ZNF205: variants seen among roughly 807,000 people sequenced by gnomAD.
ZNF205 encodes the protein transcriptional repressor RHIT.
Under a neutral mutation model 53.6 loss-of-function variants are expected in ZNF205, and 32 were observed. The observed-to-expected ratio is 0.60, with a 90% confidence interval of 0.45 to 0.80. The LOEUF (loss-of-function observed/expected upper bound fraction) is 0.80. Among genes scored for constraint, ZNF205 ranks in the 30% least tolerant of loss-of-function variants. ZNF205 has a pLI of 0.00. For synonymous variants in ZNF205, 382 were observed against 334.3 expected (o/e 1.14, Z -1.56); for missense variants, 836 against 782.4 (o/e 1.07, Z -0.82).
At position 3,115,090 on chromosome 16, in the gene ZNF205, TA is replaced by T. The variant is rs1347866736; in HGVS notation, c.58-264del. 2.4e-4 allele frequency: 79 copies of T among 328,082 alleles called. 1 individual carries two copies. Among genetic ancestry groups the T allele is most frequent in the Non-Finnish European group, 7.8e-5 (14 of 180,602 alleles). The allele number at this position is 328,082 out of a possible 1,614,324, so 20.3% of individuals were successfully genotyped here. A position where few individuals can be genotyped will look rare whatever the true frequency, so the allele number is the denominator to read the frequency against. ...CTTCATACACTAATAGACAGCAGTC[TA>T]CACTGCTGAGGTCAGTGTGAGGCTG... On this transcript the variant is annotated intron_variant, in intron 2 of 6. Coordinates refer to ENST00000219091, the MANE Select transcript of ZNF205 (RefSeq NM_001042428.2).
At chr16:3,117,168 G>A (rs979100894) in intron 5 of ZNF205, among the ~76,000 whole-genome samples, 4 of 152,198 alleles carry the variant, frequency 2.6e-5, no homozygotes, top group African/African-American at 4.8e-5. Context: ...TGTACTGGAC[G>A]CTGCCCCAGG....
chr16:3,116,564 A>G lies in ZNF205; in HGVS notation c.484+17A>G. 1 of 1,611,464 alleles carries G rather than the reference A, an allele frequency of 6.2e-7. No individual in the cohort carries two copies. Among genetic ancestry groups the G allele is most frequent in the Non-Finnish European group, 8.5e-7 (1 of 1,178,792 alleles). On this transcript the variant is annotated intron_variant, in intron 5 of 6. Coordinates refer to ENST00000219091, the MANE Select transcript of ZNF205 (RefSeq NM_001042428.2). ...TGTCACTGGGTAAGCACTCGCCTGGAGGGGGGACTGGGGTGTTAGGGAGAG... is the reference window on the plus strand; with the variant it reads ...TGTCACTGGGTAAGCACTCGCCTGGGGGGGGGACTGGGGTGTTAGGGAGAG...
Position 3,118,993 on chromosome 16 carries a change from G to C in ZNF205, c.573G>C (p.Lys191Asn), listed in dbSNP as rs150467103. ...SGSSRQAGDE[K>N]EWRGACTGAV... ...CCAGCCGGCAGGCAGGAGATGAGAA[G>C]GAGTGGAGAGGCGCGTGCACAGGTG... Residue 191 changes from lysine to asparagine, a missense_variant, in exon 6 of 7, where the codon AAG becomes AAC. Coordinates refer to ENST00000219091, the MANE Select transcript of ZNF205 (RefSeq NM_001042428.2). 50 of 1,613,432 alleles carry C rather than the reference G, an allele frequency of 3.1e-5. No homozygotes were observed. Among genetic ancestry groups the C allele is most frequent in the Non-Finnish European group, 4.1e-5 (48 of 1,179,970 alleles).
chr16:3,117,244 C>T (rs1330255925), intron 5 of ZNF205, among the ~76,000 whole-genome samples: 1 of 152,114 alleles, frequency 6.6e-6, no homozygotes, highest in African/African-American at 2.4e-5. Flanking sequence ...TTTCCAAGCC[C>T]CAACTTCAGA....
rs1294562528 is a variant in ZNF205, at chr16:3,119,850, G to A, written c.1190G>A (p.Cys397Tyr). ...TGEKPYVCDRCAKRFTRRSDL... is the reference protein window; with the variant it reads ...TGEKPYVCDRYAKRFTRRSDL... ...GAGAAGCCCTACGTGTGCGACCGCT[G>A]CGCCAAGCGCTTCACCCGCCGCTCG... Residue 397 changes from cysteine (C) to tyrosine (Y), a missense_variant, in exon 7 of 7, where the codon TGC becomes TAC. Cys to Tyr is a radical substitution (Grantham distance 194). Transcript: ENST00000219091. The A allele has an allele frequency of 1.2e-6, 2 of 1,613,116 alleles. No individual in the cohort carries two copies. The highest frequency in any genetic ancestry group is 2.7e-5 in the African/African-American group (2 of 74,878).
intron 6 of ZNF205, 56 bp downstream of exon 6, chr16:3,119,071 CT>C: frequency 6.3e-7 from 1 of 1,587,668 alleles, no homozygotes. Context: ...CGCAGGCCTT[CT>C]GGCTGTTGTC....
At position 3,116,490 on chromosome 16, in the gene ZNF205, C is replaced by T; in HGVS notation, c.427C>T (p.His143Tyr). 1 of 1,614,118 alleles carries T rather than the reference C, an allele frequency of 6.2e-7. No homozygotes were observed. The highest frequency in any genetic ancestry group is 8.5e-7 in the Non-Finnish European group (1 of 1,180,030). The change falls in exon 5 of 7, where the codon CAC becomes TAC. Residue 143 changes from histidine to tyrosine, a missense_variant. By Grantham distance (83) the His-to-Tyr change is moderately conservative. Coordinates refer to ENST00000219091, the MANE Select transcript of ZNF205 (RefSeq NM_001042428.2). ...CCGGGAGGAGTGGGGACGGCTGGAC[C>T]ACACGCAGCAGAACTTCTACAGGGA... ...LSREEWGRLD[H>Y]TQQNFYRDVL...
rs772175370 is a variant in ZNF205 at position 3,119,761 on chromosome 16, C to T, written c.1101C>T (p.Pro367=). The T allele has an allele frequency of 1.9e-6, 3 of 1,613,754 alleles. No homozygotes were observed. Among genetic ancestry groups the T allele is most frequent in the Non-Finnish European group, 1.7e-6 (2 of 1,179,904 alleles). The change falls in exon 7 of 7, where the codon CCC becomes CCT. Residue 367 remains proline (P), a synonymous_variant. Coordinates refer to ENST00000219091, the MANE Select transcript of ZNF205 (RefSeq NM_001042428.2). ...CGGGCGAGAAGCCCTACACCTGCCC[C>T]GCCTGCCGGAAGAGCTTCAGCCACC... is the stretch of plus-strand genomic sequence containing the variant. ...IHTGEKPYTC[P]ACRKSFSHHS... is the part of the protein sequence containing the mutation.
chr16:3,114,217 T>C (rs1006646775), intron 2 of ZNF205, among the ~76,000 whole-genome samples: 2 of 152,176 alleles, frequency 1.3e-5, no homozygotes, highest in African/African-American at 4.8e-5. Context: ...CCCCACATGT[T>C]GGCATTCTCT....
intron 2 of ZNF205, 104 bp from the exon 3 acceptor site, chr16:3,115,251 G>A (rs1415360311): frequency 2.1e-5 from 19 of 895,652 alleles, no homozygotes; most frequent in African/African-American, 8.6e-5. Flanking sequence ...AGTCCTTCAA[G>A]CTGCGTCTTG....
chr16:3,113,728 A>G (rs1214058575), intron 2 of ZNF205, among the ~76,000 whole-genome samples: 2 of 152,104 alleles, frequency 1.3e-5, no homozygotes, highest in Non-Finnish European at 2.9e-5. Context: ...TGGAGGTCCT[A>G]TCAGTGAGGT....
chr16:3,120,244 C>A lies in ZNF205; in HGVS notation c.1584C>A (p.Thr528=). The change falls in exon 7 of 7, where the codon ACC becomes ACA. Residue 528 remains threonine (T), a synonymous_variant. Transcript: ENST00000219091. ...NLHRHEKIHT[T]GPKALAMLML... ...ACCGGCACGAGAAGATCCACACCACCGGGCCCAAGGCCCTGGCCATGCTGA... is the reference window on the plus strand; with the variant it reads ...ACCGGCACGAGAAGATCCACACCACAGGGCCCAAGGCCCTGGCCATGCTGA... The A allele has an allele frequency of 6.2e-7, 1 of 1,606,968 alleles. No homozygotes were observed. The highest frequency in any genetic ancestry group is 8.5e-7 in the Non-Finnish European group (1 of 1,179,666).
At chr16:3,113,272 G>A in intron 1 of ZNF205, 145 bp from the exon 2 acceptor site, 2 of 674,654 alleles carry the variant, frequency 3.0e-6, no homozygotes, top group Non-Finnish European at 5.2e-6. Flanking sequence ...ACCAGGGAGC[G>A]CTGGTACTCG....
At position 3,116,441 on chromosome 16, in the gene ZNF205, C is replaced by T. The variant is rs759769925; in HGVS notation, c.378C>T (p.Phe126=). The T allele has an allele frequency of 1.5e-5, 25 of 1,613,886 alleles. No individual in the cohort carries two copies. Among genetic ancestry groups the T allele is most frequent in the Admixed American group, 8.3e-5 (5 of 59,994 alleles). The part of the protein sequence containing the change: ...LTAWSQMPVT[F]EDVALYLSRE... ...CATTGTTTCAGATGCCAGTGACTTT[C>T]GAGGATGTGGCCTTGTACCTCTCCC... The change falls in exon 5 of 7, where the codon TTC becomes TTT. Residue 126 remains phenylalanine, a synonymous_variant. Coordinates refer to ENST00000219091, the MANE Select transcript of ZNF205 (RefSeq NM_001042428.2).
At chr16:3,118,713 C>G (rs1957376639) in intron 5 of ZNF205, among the ~76,000 whole-genome samples, 192 bp from the exon 6 acceptor site, 1 of 152,194 alleles carries the variant, frequency 6.6e-6, no homozygotes, top group Non-Finnish European at 1.5e-5. Flanking sequence ...AGGAGACAGG[C>G]CTAGTCAGCT....
chr16:3,113,624 G>C, intron 2 of ZNF205, 137 bp downstream of exon 2: 1 of 907,970 alleles, frequency 1.1e-6, no homozygotes, highest in South Asian at 1.8e-5. Context: ...TGGCATGCTG[G>C]GTAGTACCCT....
Position 3,119,987 on chromosome 16 carries a change from A to G in ZNF205, c.1327A>G (p.Thr443Ala). 6.2e-7 allele frequency: 1 copy of G among 1,612,600 alleles called. No homozygotes were observed. Among genetic ancestry groups the G allele is most frequent in the Non-Finnish European group, 8.5e-7 (1 of 1,179,656 alleles). ...SALVTHQRTH[T>A]GVKPYPCPEC... is the part of the protein sequence containing the mutation. ...GCTAGTCACCCACCAGCGCACCCAC[A>G]CTGGGGTCAAGCCCTATCCGTGCCC... Residue 443 changes from threonine (T) to alanine (A), a missense_variant, in exon 7 of 7, where the codon ACT (threonine) becomes GCT (alanine). Coordinates refer to ENST00000219091, the MANE Select transcript of ZNF205 (RefSeq NM_001042428.2).
At chr16:3,116,623 C>T in intron 5 of ZNF205, 76 bp downstream of exon 5, 1 of 1,535,958 alleles carries the variant, frequency 6.5e-7, no homozygotes, top group Non-Finnish European at 8.8e-7. Flanking sequence ...TCCTCCCTTC[C>T]CTCCCTCTCT....
At position 3,120,312 on chromosome 16, in the gene ZNF205, C is replaced by T. The variant is rs777209101; in HGVS notation, c.1652C>T (p.Pro551Leu). 2 of 1,558,868 alleles carry T rather than the reference C, an allele frequency of 1.3e-6. No homozygotes were observed. Among genetic ancestry groups the T allele is most frequent in the East Asian group, 2.3e-5 (1 of 43,096 alleles). Residue 551 changes from proline to leucine, a missense_variant, in exon 7 of 7, where the codon CCC (proline) becomes CTC (leucine). Physicochemically the swap from Pro to Leu is moderately conservative, Grantham distance 98. Coordinates refer to ENST00000219091, the MANE Select transcript of ZNF205 (RefSeq NM_001042428.2). Reference sequence around the variant, plus strand: ...GCGGGGGCTCTGGCCACACCCCCACCCGCTCCCACCTAGGAGGCCAGGAAA... The same window carrying T: ...GCGGGGGCTCTGGCCACACCCCCACTCGCTCCCACCTAGGAGGCCAGGAAA... ...AAAGALATPP[P>L]APT is the part of the protein sequence containing the mutation.
Sources: allele counts gnomAD v4.1 joint callset (sites outside exome capture counted in the v4.1 genomes callset), GRCh38; gene constraint gnomAD v4.1.1; transcripts MANE v1.5; gene names NCBI Gene and HGNC (gene_info 2026-07-23, HGNC 2026-07-21).